Variants in FANCD2OS observed in about 807,000 individuals in gnomAD.
FANCD2OS encodes FANCD2 opposite strand, also known as FANCD2 opposite strand protein.
In FANCD2OS, 11 loss-of-function variants were observed where a neutral mutation model predicts 13.2. The ratio of observed to expected loss-of-function variants is 0.83; its 90% CI spans 0.52 to 1.38. FANCD2OS has a LOEUF of 1.38. Among genes scored for constraint, FANCD2OS ranks in the 40% most tolerant of loss-of-function variants. The pLI is 0.00. For synonymous variants in FANCD2OS, 69 were observed against 84.5 expected, an observed-to-expected ratio of 0.82 and a Z score of 1.01; for missense variants, 217 against 213.9, an observed-to-expected ratio of 1.01 and a Z score of -0.09.
downstream of FANCD2OS, chr3:10,099,073 C>G (rs1695151111): frequency 1.0e-5 from 16 of 1,554,812 alleles, no homozygotes; most frequent in South Asian, 1.9e-4. Context: ...GCATTATAGC[C>G]TCTCATTTTC....
intron 2 of FANCD2OS, chr3:10,096,415 T>G: frequency 1.2e-6 from 2 of 1,614,158 alleles, no homozygotes; most frequent in South Asian, 2.2e-5. Flanking sequence ...CTATGCTCAC[T>G]CTCAACAATT....
chr3:10,098,915 C>T (rs759860839), downstream of FANCD2OS: 1 of 1,614,150 alleles, frequency 6.2e-7, no homozygotes. Context: ...TGTTTATTGT[C>T]AAATGCTTCT....
chr3:10,086,126 C>T (rs1448710877), intron 2 of FANCD2OS, among the ~76,000 whole-genome samples: 1 of 152,206 alleles, frequency 6.6e-6, no homozygotes, highest in Non-Finnish European at 1.5e-5. Flanking sequence ...CATGCTAAAT[C>T]TTCATGAATG....
intron 2 of FANCD2OS, chr3:10,096,442 G>T (rs1694971369): frequency 1.2e-6 from 2 of 1,614,136 alleles, no homozygotes; most frequent in South Asian, 1.1e-5. Flanking sequence ...AGGCTTTCTG[G>T]CTGGGCAATC....
intron 2 of FANCD2OS, among the ~76,000 whole-genome samples, chr3:10,090,974 T>A (rs1694570087): frequency 1.3e-5 from 2 of 151,988 alleles, no homozygotes; most frequent in Admixed American, 1.3e-4. Context: ...GCCAGCCTGT[T>A]TGAGATACTG....
chr3:10,101,196 A>G (rs1323542056), downstream of FANCD2OS: 2 of 1,612,700 alleles, frequency 1.2e-6, no homozygotes, highest in South Asian at 1.1e-5. Context: ...AGGATGGTGA[A>G]GAAGACGAAG....
At chr3:10,092,476 A>G (rs1409954677) in intron 2 of FANCD2OS, among the ~76,000 whole-genome samples, 5 of 151,076 alleles carry the variant, frequency 3.3e-5, no homozygotes, top group Non-Finnish European at 7.4e-5. Flanking sequence ...TTATGCCACA[A>G]TACTATTTAA....
rs760054945 is a variant in FANCD2OS, at chr3:10,090,316, T to C, written c.*44-8785A>G. 45 of 1,613,432 alleles carry C rather than the reference T, an allele frequency of 2.8e-5. No individual in the cohort carries two copies. The highest frequency in any genetic ancestry group is 3.6e-5 in the Non-Finnish European group (42 of 1,179,848). ...GGCATACTTTTGTTGTTTTCTTCCG[T>C]GTGATGATGGCTGAACTAGAGAAGA... On this transcript the variant is annotated intron_variant, in intron 2 of 2. Transcript: ENST00000524279.
At position 10,087,214 on chromosome 3, in the gene FANCD2OS, T is replaced by C. The variant is rs755205321; in HGVS notation, c.*44-5683A>G. 1.4e-5 allele frequency: 22 copies of C among 1,613,868 alleles called. No individual in the cohort carries two copies. Among genetic ancestry groups the C allele is most frequent in the Middle Eastern group, 3.3e-4 (2 of 6,060 alleles). ...GCTCTTTATCTCATCAGACTTTTGA[T>C]GGTTATTTTGGAGAAATCAACAGCT... is the stretch of plus-strand genomic sequence containing the variant. On this transcript the variant is annotated intron_variant, in intron 2 of 2. Coordinates refer to the FANCD2OS transcript ENST00000524279.
intron 1 of FANCD2OS, 86 bp from the exon 2 acceptor site, chr3:10,104,868 T>C: frequency 8.2e-7 from 1 of 1,214,000 alleles, no homozygotes; most frequent in Middle Eastern, 2.9e-4. Flanking sequence ...TCTGTCTCAC[T>C]ATAGACATAA....
At chr3:10,087,897 T>G (rs1432888861) in intron 2 of FANCD2OS, among the ~76,000 whole-genome samples, 1 of 152,118 alleles carries the variant, frequency 6.6e-6, no homozygotes, top group African/African-American at 2.4e-5. Context: ...TCCACCTGCC[T>G]CAGCCTCCCA....
intron 2 of FANCD2OS, chr3:10,094,754 T>C (rs1478562602): frequency 6.2e-6 from 2 of 320,350 alleles, no homozygotes; most frequent in Non-Finnish European, 1.2e-5. Flanking sequence ...GCTGTGGTAA[T>C]GAACAGTCTT....
chr3:10,101,219 A>T, downstream of FANCD2OS: 1 of 1,613,388 alleles, frequency 6.2e-7, no homozygotes, highest in Non-Finnish European at 8.5e-7. Context: ...AGTGCTGGAG[A>T]AAAGGAGCAA....
chr3:10,082,133 T>C lies in FANCD2OS; in HGVS notation c.*44-602A>G, dbSNP rs535208098. Among the ~76,000 whole-genome samples, 6 of 152,358 alleles carry C rather than the reference T, an allele frequency of 3.9e-5. No individual in the cohort carries two copies. In the South Asian group the frequency reaches 1.2e-3, roughly 32 times the overall value. ...CATCCAAAATGGAATATGTCATCCC[T>C]AGCATGCTCCTTCAGCTTTGCCTGG... On this transcript the variant is annotated intron_variant, in intron 2 of 2. Coordinates refer to the FANCD2OS transcript ENST00000524279.
rs1695551383 is a variant in FANCD2OS at position 10,108,086 on chromosome 3, G to GA, written c.-81dup. Reference sequence around the variant, plus strand: ...TGTAAACGGAGATCCCGAGGGTCTGGAGCTGCCGAGAGTGCGAGAGGCTCC... The same window carrying GA: ...TGTAAACGGAGATCCCGAGGGTCTGGAAGCTGCCGAGAGTGCGAGAGGCTCC... On this transcript the variant is annotated 5_prime_UTR_variant, in exon 1 of 2. Transcript: ENST00000450660. 1 of 99,340 alleles carries GA rather than the reference G, an allele frequency of 1.0e-5. No individual in the cohort carries two copies. The highest frequency in any genetic ancestry group is 2.1e-5 in the Non-Finnish European group (1 of 47,858). The allele number at this position is 99,340 out of a possible 1,614,324, so 6.2% of individuals were successfully genotyped here. A position where few individuals can be genotyped will look rare whatever the true frequency, so the allele number is the denominator to read the frequency against.
At chr3:10,102,032 T>C (rs1695321743), downstream of FANCD2OS, 1 of 172,636 alleles carries the variant, frequency 5.8e-6, no homozygotes, top group Admixed American at 6.4e-5. Flanking sequence ...AGACTGGTGC[T>C]AACATAGTTC....
chr3:10,105,544 G>A (rs1695445330), intron 1 of FANCD2OS, among the ~76,000 whole-genome samples: 1 of 151,520 alleles, frequency 6.6e-6, no homozygotes, highest in Non-Finnish European at 1.5e-5. Flanking sequence ...TGAGGTCAGA[G>A]TTCCAGAACA....
At chr3:10,100,056 C>T (rs917613494), downstream of FANCD2OS, among the ~76,000 whole-genome samples, 1 of 151,984 alleles carries the variant, frequency 6.6e-6, no homozygotes, top group Non-Finnish European at 1.5e-5. Flanking sequence ...GGCATGGTGA[C>T]GCATGCCTGT....
At chr3:10,092,205 T>C (rs1196009515) in intron 2 of FANCD2OS, 1 of 1,614,102 alleles carries the variant, frequency 6.2e-7, no homozygotes, top group Non-Finnish European at 8.5e-7. Flanking sequence ...ACTCCTCTAC[T>C]GGAACATGGC....
Sources: gnomAD v4.1 joint callset for allele counts (sites outside exome capture counted in the v4.1 genomes callset) on GRCh38, gnomAD v4.1.1 for gene constraint, MANE v1.5 for transcripts, NCBI Gene and HGNC (gene_info 2026-07-23, HGNC 2026-07-21) for gene names.